Variants in RFTN2 observed in about 807,000 individuals in gnomAD.
The protein encoded by RFTN2 is raftlin family member 2.
Under a neutral mutation model 52.7 loss-of-function variants are expected in RFTN2, and 34 were observed. The observed-to-expected ratio is 0.64, with a 90% CI of 0.49 to 0.86. The LOEUF (loss-of-function observed/expected upper bound fraction) is 0.86. Among genes scored for constraint, RFTN2 ranks in the 40% least tolerant of loss-of-function variants. The pLI is 0.00. For missense variants in RFTN2, 536 were observed against 600.1 expected (o/e 0.89, Z 1.12); for synonymous variants, 203 against 217.7 (o/e 0.93, Z 0.59).
intron 2 of RFTN2, among the ~76,000 whole-genome samples, chr2:197,646,271 T>G (rs2088746697): frequency 6.6e-6 from 1 of 152,188 alleles, no homozygotes; most frequent in African/African-American, 2.4e-5. Context: ...TTAGGACACA[T>G]TTGTCTGCAA....
chr2:197,613,692 C>A (rs969815557), intron 7 of RFTN2, among the ~76,000 whole-genome samples: 2 of 152,218 alleles, frequency 1.3e-5, no homozygotes, highest in Admixed American at 1.3e-4. Context: ...ACAAGATTTA[C>A]CAACAATCCT....
intron 3 of RFTN2, among the ~76,000 whole-genome samples, chr2:197,634,319 G>T (rs1484846959): frequency 6.6e-6 from 1 of 152,112 alleles, no homozygotes; most frequent in Non-Finnish European, 1.5e-5. Flanking sequence ...TTTAACAATG[G>T]TGTCTCCAGT....
intron 1 of RFTN2, among the ~76,000 whole-genome samples, chr2:197,665,421 C>T (rs1301583736): frequency 6.7e-6 from 1 of 149,956 alleles, no homozygotes; most frequent in Non-Finnish European, 1.5e-5. Flanking sequence ...GCAATATTTG[C>T]TTTATGAATC....
chr2:197,628,113 C>CAAAGT (rs1338228290), intron 5 of RFTN2, among the ~76,000 whole-genome samples: 7 of 151,674 alleles, frequency 4.6e-5, no homozygotes, highest in Admixed American at 1.3e-4. Flanking sequence ...CAAAACAAAG[C>CAAAGT]GACCAATTCA....
chr2:197,615,409 A>G (rs2088125486), intron 7 of RFTN2, among the ~76,000 whole-genome samples: 1 of 152,258 alleles, frequency 6.6e-6, no homozygotes, highest in African/African-American at 2.4e-5. Flanking sequence ...CCCTCTCTCA[A>G]AAAAGTAAGA....
intron 1 of RFTN2, among the ~76,000 whole-genome samples, chr2:197,652,896 T>C (rs1055167388): frequency 6.6e-6 from 1 of 152,200 alleles, no homozygotes; most frequent in Non-Finnish European, 1.5e-5. Flanking sequence ...CTGTGGTCTG[T>C]AGCTGACTGC....
chr2:197,594,468 C>T (rs573383385), intron 8 of RFTN2, among the ~76,000 whole-genome samples: 1 of 152,212 alleles, frequency 6.6e-6, no homozygotes, highest in African/African-American at 2.4e-5. Flanking sequence ...GCTGGGACTA[C>T]AGGCATGTGC....
At chr2:197,578,368 AC>A (rs1411632143) in intron 8 of RFTN2, among the ~76,000 whole-genome samples, 1 of 121,316 alleles carries the variant, frequency 8.2e-6, no homozygotes, top group East Asian at 2.1e-4. Context: ...AGACTTCTGT[AC>A]CAACACACAC....
intron 1 of RFTN2, among the ~76,000 whole-genome samples, chr2:197,657,202 T>G (rs1298518768): frequency 1.3e-5 from 2 of 152,110 alleles, no homozygotes; most frequent in Admixed American, 1.3e-4. Flanking sequence ...CTAAATCCAA[T>G]TCTTATATAA....
intron 8 of RFTN2, among the ~76,000 whole-genome samples, chr2:197,590,037 A>C (rs560491914): frequency 1.3e-5 from 2 of 149,018 alleles, no homozygotes; most frequent in African/African-American, 5.0e-5. Context: ...TCCCCCAAGT[A>C]GCTGGGATTA....
chr2:197,615,301 G>A lies in RFTN2; in HGVS notation c.1154+575C>T, dbSNP rs2088123225. On this transcript the variant is annotated intron_variant, in intron 7 of 8. Transcript: ENST00000295049. ...CTGCCCAGGCAGGACAGCCTTAGCA[G>A]TCAGTCATTTCCTGGATGCCAAAGC... is the stretch of plus-strand genomic sequence containing the variant. 2.6e-5 allele frequency among the ~76,000 whole-genome samples: 4 copies of A among 152,222 alleles called. No individual in the cohort carries two copies. In the South Asian group the frequency reaches 8.3e-4, roughly 31 times the overall value.
At chr2:197,621,171 G>T (rs903804674) in intron 5 of RFTN2, among the ~76,000 whole-genome samples, 5 of 151,602 alleles carry the variant, frequency 3.3e-5, no homozygotes, top group African/African-American at 1.2e-4. Flanking sequence ...ATCTACAATT[G>T]TGCATGCCCC....
chr2:197,617,033 T>A (rs1332236331), intron 6 of RFTN2, among the ~76,000 whole-genome samples: 1 of 152,190 alleles, frequency 6.6e-6, no homozygotes, highest in Non-Finnish European at 1.5e-5. Flanking sequence ...AGCAATGTCA[T>A]CTCTGTTTGT....
chr2:197,649,988 T>TA (rs1198762392), intron 1 of RFTN2, among the ~76,000 whole-genome samples: 1 of 152,184 alleles, frequency 6.6e-6, no homozygotes, highest in Non-Finnish European at 1.5e-5. Context: ...GGAGTTGGAT[T>TA]GTAGTAATGG....
At chr2:197,647,847 C>T (rs1674281529) in intron 1 of RFTN2, among the ~76,000 whole-genome samples, 1 of 152,174 alleles carries the variant, frequency 6.6e-6, no homozygotes, top group Non-Finnish European at 1.5e-5. Context: ...ATAGCACTAT[C>T]TGTACAGACT....
intron 8 of RFTN2, among the ~76,000 whole-genome samples, chr2:197,585,333 C>T (rs1329047988): frequency 6.6e-6 from 1 of 152,220 alleles, no homozygotes; most frequent in Non-Finnish European, 1.5e-5. Flanking sequence ...TCACCATTCT[C>T]AACTACTTGT....
intron 1 of RFTN2, among the ~76,000 whole-genome samples, chr2:197,660,540 C>T (rs982944801): frequency 8.6e-5 from 13 of 151,486 alleles, no homozygotes; most frequent in Non-Finnish European, 1.9e-4. Flanking sequence ...GTCAGGGTAT[C>T]TGAGGTATTC....
chr2:197,618,635 A>G lies in RFTN2; in HGVS notation c.929-714T>C, dbSNP rs1254933964. Among the ~76,000 whole-genome samples, 34 of 147,584 alleles carry G rather than the reference A, an allele frequency of 2.3e-4. 2 individuals are homozygous for G. Among genetic ancestry groups the G allele is most frequent in the African/African-American group, 8.4e-4 (33 of 39,388 alleles). ...TGCCCGGCCACCATCCCATCTAGGA[A>G]GTGAGGAGCGCCTCTTCCCGGCCGC... On this transcript the variant is annotated intron_variant, in intron 5 of 8. Coordinates refer to ENST00000295049, the MANE Select transcript of RFTN2 (RefSeq NM_144629.3).
intron 3 of RFTN2, among the ~76,000 whole-genome samples, chr2:197,642,637 C>CCTTTTCAAT (rs1196449745): frequency 1.3e-5 from 2 of 152,072 alleles, no homozygotes; most frequent in Non-Finnish European, 2.9e-5. Flanking sequence ...TATTTCTTCC[C>CCTTTTCAAT]CTTTTCAATT....
Sources: gnomAD v4.1 joint callset for allele counts (sites outside exome capture counted in the v4.1 genomes callset) on GRCh38, gnomAD v4.1.1 for gene constraint, MANE v1.5 for transcripts, NCBI Gene and HGNC (gene_info 2026-07-23, HGNC 2026-07-21) for gene names.